WHRN: variants seen among roughly 807,000 people sequenced by gnomAD.
The protein encoded by WHRN is CASK-interacting protein CIP98.
Under a neutral mutation model 68.3 loss-of-function variants are expected in WHRN, and 41 were observed. The observed-to-expected ratio is 0.60, with a 90% CI of 0.47 to 0.78. The LOEUF is 0.78. WHRN is among the 30% of genes least tolerant of loss of function. The probability of loss-of-function intolerance (pLI) is 0.00; values close to 1 mark genes in which losing one functional copy is unlikely to be tolerated. For missense variants in WHRN, 1,243 were observed against 1,244.7 expected, an observed-to-expected ratio of 1.00 and a Z score of 0.02; for synonymous variants, 560 against 561.3, an observed-to-expected ratio of 1.00 and a Z score of 0.03.
intron 9 of WHRN, 97 bp from the exon 10 acceptor site, chr9:114,404,174 G>A: frequency 7.5e-7 from 1 of 1,328,338 alleles, no homozygotes; most frequent in East Asian, 2.5e-5. Flanking sequence ...GGAAGGCTGG[G>A]GGAATTCCCC....
chr9:114,504,522 GC>G lies in WHRN; in HGVS notation c.279del (p.Met93IlefsTer49). The G allele has an allele frequency of 6.2e-7, 1 of 1,610,072 alleles. No individual in the cohort carries two copies. Among genetic ancestry groups the G allele is most frequent in the Non-Finnish European group, 8.5e-7 (1 of 1,179,802 alleles). On this transcript the variant is annotated frameshift_variant, in exon 1 of 12. Coordinates refer to ENST00000362057, the MANE Select transcript of WHRN (RefSeq NM_015404.4). LOFTEE classifies it high-confidence loss of function. The stretch of plus-strand genomic sequence containing the variant: ...TCGGAGCGCGGGATGACCAGACGAA[GC>G]ATGGGCAGCAGGCGCCGCTTGACCG... The part of the protein sequence containing the change: ...DSPVKRRLLP[M>X]LRLVIPRSDQ...
chr9:114,426,085 G>A (rs1469567691), intron 4 of WHRN, 126 bp downstream of exon 4: 6 of 1,228,868 alleles, frequency 4.9e-6, no homozygotes, highest in Admixed American at 3.7e-5. Flanking sequence ...TGCCAATGGA[G>A]GGCCCTGGTG....
In WHRN at chr9:114,420,084, T is replaced by C. The variant is rs557797076; in HGVS notation, c.1626+3230A>G. Reference sequence around the variant, plus strand: ...AGCAGCCGCTCCTGGGGAGGAAGGATGAGCAAAAGGCAAAAAGAAAAGATA... The same window carrying C: ...AGCAGCCGCTCCTGGGGAGGAAGGACGAGCAAAAGGCAAAAAGAAAAGATA... On this transcript the variant is annotated intron_variant, in intron 7 of 11. Transcript: ENST00000362057. Among the ~76,000 whole-genome samples, 69 of 152,260 alleles carry C rather than the reference T, an allele frequency of 4.5e-4. No individual in the cohort carries two copies. The South Asian group carries it at 0.014, about 31-fold the overall frequency.
At chr9:114,420,060 G>A in intron 7 of WHRN, among the ~76,000 whole-genome samples, 1 of 152,210 alleles carries the variant, frequency 6.6e-6, no homozygotes, top group East Asian at 1.9e-4. Flanking sequence ...ATAAGCCACA[G>A]CAGCCGCTCC....
Position 114,504,343 on chromosome 9 carries a change from G to A in WHRN, c.459C>T (p.Gly153=). 3 of 1,609,610 alleles carry A rather than the reference G, an allele frequency of 1.9e-6. No homozygotes were observed. Among genetic ancestry groups the A allele is most frequent in the South Asian group, 1.1e-5 (1 of 91,086 alleles). Reference sequence around the variant, plus strand: ...GCTCCGAGCCCCCACGGATGCTGAAGCCCAAGCCCTCGTGGGCCTTGGCAC... The same window carrying A: ...GCTCCGAGCCCCCACGGATGCTGAAACCCAAGCCCTCGTGGGCCTTGGCAC... The part of the protein sequence containing the change: ...LRRAKAHEGL[G]FSIRGGSEHG... Residue 153 remains glycine (G), a synonymous_variant, in exon 1 of 12, where the codon GGC becomes GGT. Transcript: ENST00000362057.
At position 114,403,926 on chromosome 9, in the gene WHRN, G is replaced by A. The variant is rs2274158; in HGVS notation, c.2388C>T (p.Asn796=). The part of the protein sequence containing the change: ...KSRSSKELPR[N]ERPTDGANKP... ...TGTTGGCCCCATCTGTGGGCCTCTC[G>A]TTCCGAGGCAGCTCCTTGCTACTCC... Residue 796 remains asparagine, a synonymous_variant, in exon 10 of 12, where the codon AAC becomes AAT. Transcript: ENST00000362057. 7.5e-6 allele frequency: 12 copies of A among 1,610,682 alleles called. No homozygotes were observed. Among genetic ancestry groups the A allele is most frequent in the African/African-American group, 5.3e-5 (4 of 74,890 alleles).
Position 114,424,431 on chromosome 9 carries a change from G to GT in WHRN, c.1318_1319insA (p.Ala440AspfsTer9). 1 of 1,613,528 alleles carries GT rather than the reference G, an allele frequency of 6.2e-7. No individual in the cohort carries two copies. The highest frequency in any genetic ancestry group is 8.5e-7 in the Non-Finnish European group (1 of 1,180,018). On this transcript the variant is annotated frameshift_variant, in exon 6 of 12. Transcript: ENST00000362057. LOFTEE classifies it high-confidence loss of function. The stretch of plus-strand genomic sequence containing the variant: ...CTCATCCAGGTAGTAGGCCATGGTG[G>GT]CGTGTTCCTGCTCGTTCAGCAGGTG...
intron 3 of WHRN, among the ~76,000 whole-genome samples, chr9:114,461,591 A>G (rs1014237517): frequency 9.8e-5 from 15 of 152,342 alleles, no homozygotes; most frequent in Admixed American, 7.2e-4. Context: ...TTCCACGTTC[A>G]GCCACATGGG....
chr9:114,468,588 G>C (rs1410687838), intron 2 of WHRN, among the ~76,000 whole-genome samples: 1 of 152,164 alleles, frequency 6.6e-6, no homozygotes, highest in Non-Finnish European at 1.5e-5. Context: ...GATGGTGCCA[G>C]GAGGGCACTG....
chr9:114,499,151 C>G (rs2133405830), intron 1 of WHRN, among the ~76,000 whole-genome samples: 1 of 152,306 alleles, frequency 6.6e-6, no homozygotes, highest in East Asian at 1.9e-4. Context: ...TAAATAACCA[C>G]AAGTGCACTT....
chr9:114,446,214 T>C (rs1360288863), intron 3 of WHRN, among the ~76,000 whole-genome samples: 5 of 152,148 alleles, frequency 3.3e-5, no homozygotes, highest in African/African-American at 9.7e-5. Flanking sequence ...GATGCTACAA[T>C]ATTATGCTAA....
At chr9:114,491,971 C>G (rs956727776) in intron 1 of WHRN, among the ~76,000 whole-genome samples, 2 of 150,750 alleles carry the variant, frequency 1.3e-5, no homozygotes, top group African/African-American at 4.9e-5. Flanking sequence ...GTTTTTTATT[C>G]CTGTGGCGCT....
rs551197473 is a variant in WHRN, at chr9:114,490,528, T to A, written c.619-11757A>T. Among the ~76,000 whole-genome samples the A allele has an allele frequency of 4.9e-4, 73 of 147,902 alleles. 1 individual carries two copies. The highest frequency in any genetic ancestry group is 4.5e-3 in the East Asian group (22 of 4,940). ...GAACATTTAAAGAAAAAGTTTTTTTTAAAAAAGATATAAAAACCAACTGTT... is the reference window on the plus strand; with the variant it reads ...GAACATTTAAAGAAAAAGTTTTTTTAAAAAAAGATATAAAAACCAACTGTT... On this transcript the variant is annotated intron_variant, in intron 1 of 11. Coordinates refer to ENST00000362057, the MANE Select transcript of WHRN (RefSeq NM_015404.4).
At chr9:114,474,306 A>G (rs1348114924) in intron 2 of WHRN, among the ~76,000 whole-genome samples, 2 of 152,196 alleles carry the variant, frequency 1.3e-5, no homozygotes, top group African/African-American at 2.4e-5. Flanking sequence ...CGAGCTTTGC[A>G]CACCTTCTTT....
chr9:114,447,051 C>A (rs1370251949), intron 3 of WHRN, among the ~76,000 whole-genome samples: 1 of 152,184 alleles, frequency 6.6e-6, no homozygotes. Flanking sequence ...TAATCTTCCA[C>A]ATTCAATGCC....
rs1844296857 is a variant in WHRN, at chr9:114,505,240, C to A, written c.-439G>T. 1 of 163,126 alleles carries A rather than the reference C, an allele frequency of 6.1e-6. No homozygotes were observed. The highest frequency in any genetic ancestry group is 2.4e-5 in the African/African-American group (1 of 41,766). The allele number at this position is 163,126 out of a possible 1,614,324, so 10.1% of individuals were successfully genotyped here. Reference sequence around the variant, plus strand: ...TGCCCGGGGCTCCCCCAGCCGGGCGCCCGTTCCTCTAGGGCTGGGGGACCC... The same window carrying A: ...TGCCCGGGGCTCCCCCAGCCGGGCGACCGTTCCTCTAGGGCTGGGGGACCC... On this transcript the variant is annotated 5_prime_UTR_variant, in exon 1 of 12. Coordinates refer to ENST00000362057, the MANE Select transcript of WHRN (RefSeq NM_015404.4).
rs1840685001 is a variant in WHRN, at chr9:114,466,291, A to T, written c.939T>A (p.Ser313=). The T allele has an allele frequency of 1.2e-6, 2 of 1,613,984 alleles. No homozygotes were observed. Residue 313 remains serine (S), a synonymous_variant, in exon 3 of 12, where the codon TCT becomes TCA. Coordinates refer to ENST00000362057, the MANE Select transcript of WHRN (RefSeq NM_015404.4). The part of the protein sequence containing the change: ...GIYITGVDPG[S]EAEGSGLKVG... ...CCTTGAGCCCGCTGCCTTCTGCTTC[A>T]GAGCCTGGGTCCACGCCAGTGATGT...
chr9:114,438,660 C>G (rs904810105), intron 3 of WHRN, among the ~76,000 whole-genome samples: 3 of 151,982 alleles, frequency 2.0e-5, no homozygotes, highest in South Asian at 2.1e-4. Context: ...CACCTGTTAG[C>G]CAGGATGGTC....
chr9:114,483,984 C>G (rs1842291833), intron 1 of WHRN, among the ~76,000 whole-genome samples: 1 of 152,158 alleles, frequency 6.6e-6, no homozygotes, highest in Non-Finnish European at 1.5e-5. Context: ...GGAAAACTGT[C>G]CTCAGTTTCT....
Sources: allele counts gnomAD v4.1 joint callset (sites outside exome capture counted in the v4.1 genomes callset), GRCh38; gene constraint gnomAD v4.1.1; transcripts MANE v1.5; gene names NCBI Gene and HGNC (gene_info 2026-07-23, HGNC 2026-07-21).